The following CELF2 variants were observed in gnomAD, a reference collection of about 807,000 sequenced individuals.
CELF2 encodes CUG triplet repeat RNA-binding protein 2.
Under a neutral mutation model 62.6 loss-of-function variants are expected in CELF2, and 8 were observed. The observed-to-expected ratio is 0.13, with a 90% CI of 0.07 to 0.23. CELF2 has a LOEUF of 0.23. CELF2 is among the 10% of genes least tolerant of loss of function. CELF2 has a pLI of 1.00. For synonymous variants in CELF2, 258 were observed against 250.0 expected (o/e 1.03, Z -0.30); for missense variants, 333 against 671.0 (o/e 0.50, Z 5.56).
the CELF2 span, among the ~76,000 whole-genome samples, chr10:10,492,434 C>T: frequency 3.3e-5 from 5 of 151,674 alleles, no homozygotes; most frequent in African/African-American, 1.2e-4. Flanking sequence ...ACGTTGTGCA[C>T]ATGTACCCTA....
At chr10:10,864,412 G>A (rs1261880310) in intron 1 of CELF2, among the ~76,000 whole-genome samples, 1 of 152,162 alleles carries the variant, frequency 6.6e-6, no homozygotes, top group Non-Finnish European at 1.5e-5. Context: ...CACAGACTAT[G>A]TACTAATCAG....
At chr10:11,203,387 C>T (rs1055133874) in intron 2 of CELF2, among the ~76,000 whole-genome samples, 2 of 152,208 alleles carry the variant, frequency 1.3e-5, no homozygotes, top group Non-Finnish European at 2.9e-5. Context: ...AAGCACATCA[C>T]GTACAAGGAC....
intron 1 of CELF2, among the ~76,000 whole-genome samples, chr10:11,092,898 G>A (rs2048713941): frequency 6.6e-6 from 1 of 152,186 alleles, no homozygotes; most frequent in Non-Finnish European, 1.5e-5. Flanking sequence ...AGACATAGGA[G>A]ACAGATATCT....
the CELF2 span, among the ~76,000 whole-genome samples, chr10:10,482,186 C>G: frequency 6.6e-6 from 1 of 152,276 alleles, no homozygotes; most frequent in Non-Finnish European, 1.5e-5. Context: ...CATTTCATTG[C>G]ATGGGGAAAG....
chr10:11,215,870 G>A (rs752413557), intron 2 of CELF2, among the ~76,000 whole-genome samples: 29 of 152,246 alleles, frequency 1.9e-4, no homozygotes, highest in Non-Finnish European at 2.2e-4. Flanking sequence ...CAATTCCTAT[G>A]GCTTTTCTGG....
intron 1 of CELF2, among the ~76,000 whole-genome samples, chr10:11,083,856 G>A (rs1159183161): frequency 6.6e-6 from 1 of 152,202 alleles, no homozygotes; most frequent in Non-Finnish European, 1.5e-5. Context: ...ATCAGAAAGT[G>A]TACGGAGAGG....
upstream of CELF2, among the ~76,000 whole-genome samples, chr10:11,003,599 C>T (rs1347396855): frequency 6.6e-6 from 1 of 152,056 alleles, no homozygotes; most frequent in East Asian, 1.9e-4. The surrounding 1 kb of genome is among the most constrained non-coding windows in gnomAD (Gnocchi z 4.4). Flanking sequence ...CCCATTTAAC[C>T]GCTGGAGTAA....
chr10:10,574,075 T>C, the CELF2 span, among the ~76,000 whole-genome samples: 3 of 152,140 alleles, frequency 2.0e-5, no homozygotes, highest in African/African-American at 7.2e-5. Flanking sequence ...AGTTGGGAAG[T>C]TAAAAATGGC....
the CELF2 span, among the ~76,000 whole-genome samples, chr10:10,773,013 G>A: frequency 2.0e-5 from 3 of 152,182 alleles, no homozygotes; most frequent in African/African-American, 7.2e-5. Flanking sequence ...GATGTATATT[G>A]TCACATTTGA....
chr10:10,933,569 T>C (rs534085609), intron 2 of CELF2, among the ~76,000 whole-genome samples: 22 of 152,260 alleles, frequency 1.4e-4, no homozygotes, highest in African/African-American at 4.8e-4. Flanking sequence ...TTTATACCCA[T>C]TGACCTTCTT....
the CELF2 span, among the ~76,000 whole-genome samples, chr10:10,736,305 G>T: frequency 6.6e-6 from 1 of 151,088 alleles, no homozygotes; most frequent in African/African-American, 2.4e-5. Flanking sequence ...TTTTGGTTTT[G>T]GTTTGTTTTT....
chr10:10,915,650 G>C lies in CELF2; in HGVS notation c.54-4314G>C, dbSNP rs576560853. On this transcript the variant is annotated intron_variant, in intron 1 of 13. Transcript: ENST00000636488. ...CAGTATTGCTATGTGGCCTAGACTGGTTTTGAACTCCTGGGCTCAAGCGAT... is the reference window on the plus strand; with the variant it reads ...CAGTATTGCTATGTGGCCTAGACTGCTTTTGAACTCCTGGGCTCAAGCGAT... Among the ~76,000 whole-genome samples, 3 of 152,072 alleles carry C rather than the reference G, an allele frequency of 2.0e-5. No individual in the cohort carries two copies. In the South Asian group the frequency reaches 6.2e-4, roughly 32 times the overall value.
At chr10:10,636,594 A>G in the CELF2 span, among the ~76,000 whole-genome samples, 1 of 152,202 alleles carries the variant, frequency 6.6e-6, no homozygotes, top group Non-Finnish European at 1.5e-5. Context: ...TTCCCCAACC[A>G]TCTCCACACA....
chr10:11,257,676 G>A (rs1456562751), intron 4 of CELF2, 62 bp from the exon 5 acceptor site: 13 of 1,580,180 alleles, frequency 8.2e-6, no homozygotes, highest in Non-Finnish European at 4.3e-6. Flanking sequence ...GGGTAATGAA[G>A]CATTGATTAC....
intron 1 of CELF2, among the ~76,000 whole-genome samples, chr10:11,062,160 A>T (rs537677581): frequency 1.3e-5 from 2 of 152,212 alleles, no homozygotes; most frequent in Non-Finnish European, 2.9e-5. Flanking sequence ...GGGGGAAAAA[A>T]AAATTCCTTT....
Position 11,120,496 on chromosome 10 carries a change from G to A in CELF2, c.75-44990G>A, listed in dbSNP as rs191068785. ...TCAAGCTTGCTTCTTGTTATTTAGAGACATGCCAACAACCCACACCATCTA... is the reference window on the plus strand; with the variant it reads ...TCAAGCTTGCTTCTTGTTATTTAGAAACATGCCAACAACCCACACCATCTA... On this transcript the variant is annotated intron_variant, in intron 1 of 12. Transcript: ENST00000633077. 3.9e-5 allele frequency among the ~76,000 whole-genome samples: 6 copies of A among 152,274 alleles called. No individual in the cohort carries two copies. The East Asian group carries it at 1.2e-3, about 29-fold the overall frequency.
chr10:10,797,041 T>A (rs1248173788), upstream of CELF2: 2 of 259,912 alleles, frequency 7.7e-6, no homozygotes, highest in Non-Finnish European at 1.2e-5. Context: ...TATGTTAAGA[T>A]CCACGGGTCC....
In CELF2 at chr10:11,017,999, G is replaced by C; in HGVS notation, c.-91G>C. On this transcript the variant is annotated 5_prime_UTR_variant, in exon 1 of 13. Coordinates refer to ENST00000633077, the MANE Select transcript of CELF2 (RefSeq NM_001326342.2). This position sits in a 1 kb window ranked among gnomAD's most constrained non-coding sequence, Gnocchi z 5.5. ...CGGCGGCCGCCGGGGGAGGCCGCGC[G>C]CACCTGTCCCTGCCCGTCTCGCGCC... is the stretch of plus-strand genomic sequence containing the variant. 1 of 1,004,168 alleles carries C rather than the reference G, an allele frequency of 1.0e-6. No homozygotes were observed. The highest frequency in any genetic ancestry group is 1.2e-6 in the Non-Finnish European group (1 of 842,616). The allele number at this position is 1,004,168 out of a possible 1,614,324, so 62.2% of individuals were successfully genotyped here. A position where few individuals can be genotyped will look rare whatever the true frequency, so the allele number is the denominator to read the frequency against.
rs748406628 is a variant in CELF2, at chr10:11,329,864, AAAAG to A, written c.*816_*819del. On this transcript the variant is annotated 3_prime_UTR_variant, in exon 13 of 13. Coordinates refer to ENST00000633077, the MANE Select transcript of CELF2 (RefSeq NM_001326342.2). The surrounding 1 kb of genome is among the most constrained non-coding windows in gnomAD (Gnocchi z 5.5). ...AATAAATACATAAATACATAAATAA[AAAAG>A]AAAGCCACAGGCCTGTAAATTTTAT... 77 of 150,796 alleles carry A rather than the reference AAAAG, an allele frequency of 5.1e-4. No individual in the cohort carries two copies. Among genetic ancestry groups the A allele is most frequent in the African/African-American group, 7.3e-4 (29 of 39,998 alleles). 9.3% of individuals were successfully genotyped at this position (150,796 alleles called of 1,614,324 possible).
Sources: allele counts gnomAD v4.1 joint callset (sites outside exome capture counted in the v4.1 genomes callset), GRCh38; gene constraint gnomAD v4.1.1; non-coding constraint Gnocchi (gnomAD v3.1); transcripts MANE v1.5; gene names NCBI Gene and HGNC (gene_info 2026-07-23, HGNC 2026-07-21).